The following CYTH1 variants were observed in gnomAD, a reference collection of about 807,000 sequenced individuals.
CYTH1 encodes the protein cytohesin 1.
A neutral mutation model predicts 61.8 loss-of-function variants in CYTH1; 18 were observed. That is an observed-to-expected ratio of 0.29 (90% CI 0.20 to 0.43). CYTH1 has a LOEUF of 0.43. Among genes scored for constraint, CYTH1 ranks in the 20% least tolerant of loss-of-function variants. The pLI, the probability that CYTH1 is intolerant of heterozygous loss-of-function variation, is 1.00. For missense variants in CYTH1, 336 were observed against 510.5 expected (o/e 0.66, Z 3.29); for synonymous variants, 174 against 184.3 (o/e 0.94, Z 0.45).
intron 1 of CYTH1, among the ~76,000 whole-genome samples, chr17:78,753,687 T>G (rs2093389594): frequency 6.6e-6 from 1 of 152,154 alleles, no homozygotes; most frequent in South Asian, 2.1e-4. Flanking sequence ...CTAAATGGAC[T>G]AAATAGGTGA....
At chr17:78,739,142 A>AT (rs1410289893) in intron 1 of CYTH1, among the ~76,000 whole-genome samples, 1 of 152,182 alleles carries the variant, frequency 6.6e-6, no homozygotes, top group East Asian at 1.9e-4. Flanking sequence ...ATTGCTTATC[A>AT]TTTTTTAAAT....
intron 3 of CYTH1, among the ~76,000 whole-genome samples, chr17:78,703,957 A>G (rs1313728103): frequency 6.6e-6 from 1 of 152,212 alleles, no homozygotes; most frequent in Non-Finnish European, 1.5e-5. Context: ...AGGGGTGGAC[A>G]CTGCTGGGTC....
chr17:78,694,685 G>A (rs534820241), intron 10 of CYTH1, among the ~76,000 whole-genome samples: 10 of 152,062 alleles, frequency 6.6e-5, no homozygotes, highest in South Asian at 2.1e-4. Context: ...GACACTACCC[G>A]GGGAACCCTT....
At chr17:78,681,895 C>CT (rs2092768328) in intron 11 of CYTH1, among the ~76,000 whole-genome samples, 2 of 151,734 alleles carry the variant, frequency 1.3e-5, no homozygotes, top group African/African-American at 4.9e-5. Context: ...GAAAAAGAGT[C>CT]TTTCAGCCAT....
intron 11 of CYTH1, among the ~76,000 whole-genome samples, chr17:78,684,095 C>G (rs1330007273): frequency 6.6e-6 from 1 of 152,144 alleles, no homozygotes; most frequent in African/African-American, 2.4e-5. Context: ...GAGTGGGGAC[C>G]AGGTTATAAG....
intron 11 of CYTH1, among the ~76,000 whole-genome samples, chr17:78,682,126 T>C (rs542260945): frequency 6.6e-6 from 1 of 152,252 alleles, no homozygotes; most frequent in South Asian, 2.1e-4. Flanking sequence ...GGTAGGGCTA[T>C]ACACAGTGTC....
chr17:78,761,700 T>C (rs955833664), intron 1 of CYTH1, among the ~76,000 whole-genome samples: 5 of 152,080 alleles, frequency 3.3e-5, no homozygotes, highest in Admixed American at 2.6e-4. Flanking sequence ...ATCACGCCAC[T>C]GCACTCCAGC....
At chr17:78,760,008 G>A (rs2035770942) in intron 1 of CYTH1, among the ~76,000 whole-genome samples, 1 of 152,064 alleles carries the variant, frequency 6.6e-6, no homozygotes, top group African/African-American at 2.4e-5. Flanking sequence ...CTCATTCCTG[G>A]ATCTGCCCTG....
chr17:78,739,515 G>A (rs2093333916), intron 1 of CYTH1, among the ~76,000 whole-genome samples: 1 of 152,180 alleles, frequency 6.6e-6, no homozygotes, highest in Non-Finnish European at 1.5e-5. Flanking sequence ...GAAGAACAGT[G>A]TAGGGAGGAG....
At chr17:78,720,996 A>G (rs905121246) in intron 1 of CYTH1, among the ~76,000 whole-genome samples, 41 of 152,242 alleles carry the variant, frequency 2.7e-4, no homozygotes, top group African/African-American at 9.4e-4. Flanking sequence ...ATTTTAAAAT[A>G]AGTATCTCAC....
rs62075567 is a variant in CYTH1, at chr17:78,702,868, C to A, written c.171-264G>T. Among the ~76,000 whole-genome samples the A allele has an allele frequency of 0.46, 69,785 of 151,708 alleles. 16,769 individuals are homozygous for A. The highest frequency in any genetic ancestry group is 0.53 in the Non-Finnish European group (36,222 of 67,878). On this transcript the variant is annotated intron_variant, in intron 3 of 13. Coordinates refer to ENST00000446868, the MANE Select transcript of CYTH1 (RefSeq NM_004762.6). Reference sequence around the variant, plus strand: ...GACAGGGTCTCTCTCTGTCTGAAGGCTGAAGTGCAGTGGTGCTATCTCGGC... The same window carrying A: ...GACAGGGTCTCTCTCTGTCTGAAGGATGAAGTGCAGTGGTGCTATCTCGGC...
At chr17:78,698,201 A>G (rs2092965898) in intron 9 of CYTH1, 68 bp downstream of exon 9, 28 of 1,293,294 alleles carry the variant, frequency 2.2e-5, no homozygotes, top group South Asian at 1.1e-4. Context: ...ACGCACGCAC[A>G]CACGCACACA....
intron 1 of CYTH1, among the ~76,000 whole-genome samples, chr17:78,757,257 G>C (rs2093405592): frequency 6.6e-6 from 1 of 151,914 alleles, no homozygotes; most frequent in African/African-American, 2.4e-5. Flanking sequence ...CTCAAGGTTT[G>C]AATTTTCAAC....
intron 13 of CYTH1, 52 bp from the exon 14 acceptor site, chr17:78,676,221 A>G (rs2092697121): frequency 1.9e-6 from 3 of 1,550,976 alleles, no homozygotes; most frequent in Non-Finnish European, 2.6e-6. Context: ...GAATCAGAAG[A>G]AACACACCCA....
At chr17:78,764,276 A>T (rs1272933231) in intron 1 of CYTH1, among the ~76,000 whole-genome samples, 1 of 150,334 alleles carries the variant, frequency 6.7e-6, no homozygotes, top group African/African-American at 2.5e-5. Context: ...GGCTCAATGA[A>T]ACCTCCGCCT....
chr17:78,722,589 C>T (rs1443576464), intron 1 of CYTH1, among the ~76,000 whole-genome samples: 2 of 152,190 alleles, frequency 1.3e-5, no homozygotes, highest in Non-Finnish European at 2.9e-5. Context: ...CCACGACACC[C>T]CTTCCGTGTC....
intron 1 of CYTH1, among the ~76,000 whole-genome samples, chr17:78,766,547 G>A (rs1348753160): frequency 1.3e-5 from 2 of 152,098 alleles, no homozygotes; most frequent in Non-Finnish European, 2.9e-5. Context: ...AAAAGATACT[G>A]CCTTTACTGC....
intron 1 of CYTH1, among the ~76,000 whole-genome samples, chr17:78,728,444 C>T (rs538498202): frequency 1.3e-5 from 2 of 151,842 alleles, no homozygotes; most frequent in South Asian, 4.2e-4. Flanking sequence ...ACTTGGGAGG[C>T]TGGTATTACA....
intron 11 of CYTH1, among the ~76,000 whole-genome samples, chr17:78,684,395 T>A (rs1251979924): frequency 1.3e-5 from 2 of 152,320 alleles, no homozygotes; most frequent in East Asian, 3.9e-4. Flanking sequence ...TGCCTAGAAC[T>A]TTCACTGGAC....
Sources: allele counts gnomAD v4.1 joint callset (sites outside exome capture counted in the v4.1 genomes callset), GRCh38; gene constraint gnomAD v4.1.1; transcripts MANE v1.5; gene names NCBI Gene and HGNC (gene_info 2026-07-23, HGNC 2026-07-21).